Variants in RARB observed in about 807,000 individuals in gnomAD.
The protein encoded by RARB is retinoic acid receptor beta, also known as HBV-activated protein.
RARB carries 17 observed loss-of-function variants against 51.9 expected under a neutral mutation model. The observed-to-expected ratio is 0.33, with a 90% CI of 0.22 to 0.49. The LOEUF (loss-of-function observed/expected upper bound fraction) is 0.49. Among genes scored for constraint, RARB ranks in the 20% least tolerant of loss-of-function variants. The pLI is 0.99. For missense variants in RARB, 369 were observed against 550.8 expected, an observed-to-expected ratio of 0.67 and a Z score of 3.30; for synonymous variants, 215 against 195.4, an observed-to-expected ratio of 1.10 and a Z score of -0.84.
chr3:24,861,695 T>C (rs1702751467), intron 2 of RARB, among the ~76,000 whole-genome samples: 1 of 151,912 alleles, frequency 6.6e-6, no homozygotes, highest in Non-Finnish European at 1.5e-5. Flanking sequence ...GTGTCTGGCT[T>C]AATAGGTAGT....
At chr3:24,983,922 G>T (rs552354334) in intron 2 of RARB, among the ~76,000 whole-genome samples, 1 of 152,170 alleles carries the variant, frequency 6.6e-6, no homozygotes, top group South Asian at 2.1e-4. Flanking sequence ...TAGAAATAGT[G>T]CAATAAAATA....
intron 5 of RARB, among the ~76,000 whole-genome samples, chr3:25,210,271 C>G (rs867125984): frequency 6.6e-6 from 1 of 152,030 alleles, no homozygotes; most frequent in South Asian, 2.1e-4. Flanking sequence ...CCTTCCTGTC[C>G]CAATACACCC....
intron 5 of RARB, among the ~76,000 whole-genome samples, chr3:25,222,233 C>G (rs1328115259): frequency 6.6e-6 from 1 of 152,102 alleles, no homozygotes; most frequent in East Asian, 1.9e-4. Context: ...CCCAGGAGGC[C>G]TATATAATTG....
chr3:25,008,703 T>C (rs1447894964), intron 2 of RARB, among the ~76,000 whole-genome samples: 1 of 152,080 alleles, frequency 6.6e-6, no homozygotes, highest in Non-Finnish European at 1.5e-5. Context: ...GCAAAAAATT[T>C]AGTCTGTTCC....
intron 2 of RARB, among the ~76,000 whole-genome samples, chr3:24,990,095 T>A (rs1553621033): frequency 1.0e-5 from 1 of 96,002 alleles, no homozygotes; most frequent in Admixed American, 1.4e-4. Context: ...CACCGCGCCC[T>A]GCCTTTCTTT....
At chr3:25,046,321 A>T (rs1244383055) in intron 2 of RARB, among the ~76,000 whole-genome samples, 1 of 152,222 alleles carries the variant, frequency 6.6e-6, no homozygotes, top group Non-Finnish European at 1.5e-5. Flanking sequence ...GTTATTCCCT[A>T]AGTGAATAGA....
At position 25,133,020 on chromosome 3, in the gene RARB, A is replaced by C. The variant is rs750863988; in HGVS notation, c.-280+812A>C. ...CACCATTATTTTATACATCAATAAA[A>C]AGTTTTACAACTACTGCTGGTTAAA... is the stretch of plus-strand genomic sequence containing the variant. On this transcript the variant is annotated intron_variant, in intron 4 of 11. Transcript: ENST00000383772. Among the ~76,000 whole-genome samples, 46 of 151,984 alleles carry C rather than the reference A, an allele frequency of 3.0e-4. 1 individual carries two copies. The highest frequency in any genetic ancestry group is 5.4e-4 in the Non-Finnish European group (37 of 67,910).
At chr3:25,481,644 C>T (rs1044998894) in intron 2 of RARB, among the ~76,000 whole-genome samples, 7 of 152,212 alleles carry the variant, frequency 4.6e-5, no homozygotes, top group African/African-American at 1.7e-4. Flanking sequence ...GACAGTGCTT[C>T]TGTGCATATT....
intron 2 of RARB, among the ~76,000 whole-genome samples, chr3:24,934,547 C>T (rs1695509952): frequency 6.6e-6 from 1 of 151,946 alleles, no homozygotes; most frequent in African/African-American, 2.4e-5. Flanking sequence ...AATCTCATAC[C>T]TGTTGATAGA....
intron 5 of RARB, among the ~76,000 whole-genome samples, chr3:25,347,795 C>T (rs912906902): frequency 1.8e-4 from 27 of 152,200 alleles, no homozygotes; most frequent in African/African-American, 6.0e-4. Flanking sequence ...ATCATTCACA[C>T]ATGTTCATCA....
chr3:25,278,183 G>C (rs915828947), intron 5 of RARB, among the ~76,000 whole-genome samples: 2 of 152,168 alleles, frequency 1.3e-5, no homozygotes, highest in African/African-American at 4.8e-5. Context: ...GTGGTGTGGT[G>C]GTTGGCGGTA....
At chr3:25,133,731 G>T (rs939186331) in intron 4 of RARB, among the ~76,000 whole-genome samples, 2 of 151,730 alleles carry the variant, frequency 1.3e-5, no homozygotes, top group Non-Finnish European at 2.9e-5. Context: ...TAAAATATAA[G>T]AGTTTTTGGC....
At chr3:25,381,550 T>C (rs549132830) in intron 5 of RARB, among the ~76,000 whole-genome samples, 1 of 152,374 alleles carries the variant, frequency 6.6e-6, no homozygotes, top group African/African-American at 2.4e-5. Flanking sequence ...CAGTAAGAGC[T>C]ATGCACGTAT....
intron 1 of RARB, among the ~76,000 whole-genome samples, chr3:24,853,513 A>T (rs1277634319): frequency 6.6e-6 from 1 of 152,200 alleles, no homozygotes; most frequent in Non-Finnish European, 1.5e-5. Flanking sequence ...TTTTCAGAAC[A>T]GCAAGCTTTA....
At chr3:25,521,343 G>C (rs1347018050) in intron 3 of RARB, among the ~76,000 whole-genome samples, 1 of 151,950 alleles carries the variant, frequency 6.6e-6, no homozygotes, top group African/African-American at 2.4e-5. Flanking sequence ...ACAAAACCGG[G>C]GGTGCCGCAA....
At chr3:24,968,944 C>T (rs765915053) in intron 2 of RARB, among the ~76,000 whole-genome samples, 8 of 151,936 alleles carry the variant, frequency 5.3e-5, no homozygotes, top group Non-Finnish European at 8.8e-5. Flanking sequence ...CCTTCTAATG[C>T]CAAGTACTTT....
chr3:25,456,418 A>C (rs903564908), intron 1 of RARB, among the ~76,000 whole-genome samples: 1 of 152,176 alleles, frequency 6.6e-6, no homozygotes, highest in African/African-American at 2.4e-5. Context: ...TACCTTACCA[A>C]AAAGGCAAGA....
chr3:25,118,189 T>C (rs1699722637), intron 3 of RARB, among the ~76,000 whole-genome samples: 1 of 152,196 alleles, frequency 6.6e-6, no homozygotes, highest in African/African-American at 2.4e-5. Context: ...GTCCTCATCA[T>C]AAACGCAGTG....
chr3:24,881,638 A>T (rs937601464), intron 2 of RARB, among the ~76,000 whole-genome samples: 10 of 152,166 alleles, frequency 6.6e-5, no homozygotes, highest in African/African-American at 2.4e-4. Context: ...TGATCTTTTT[A>T]AAAGTTACTG....
Sources: allele counts gnomAD v4.1 joint callset (sites outside exome capture counted in the v4.1 genomes callset), GRCh38; gene constraint gnomAD v4.1.1; transcripts MANE v1.5; gene names NCBI Gene and HGNC (gene_info 2026-07-23, HGNC 2026-07-21).